The following BBOX1 variants were observed in gnomAD, a reference collection of about 807,000 sequenced individuals.
BBOX1 encodes gamma-butyrobetaine hydroxylase 1.
Under a neutral mutation model 41.6 loss-of-function variants are expected in BBOX1, and 35 were observed. The ratio of observed to expected loss-of-function variants is 0.84; its 90% CI spans 0.64 to 1.11. The LOEUF (loss-of-function observed/expected upper bound fraction) is 1.11. BBOX1 is among the 50% of genes most tolerant of loss of function. The probability of loss-of-function intolerance (pLI) is 0.00; values close to 1 mark genes in which losing one functional copy is unlikely to be tolerated. For missense variants in BBOX1, 458 were observed against 460.6 expected (o/e 0.99, Z 0.05); for synonymous variants, 163 against 154.7 (o/e 1.05, Z -0.40).
At chr11:27,078,416 C>T (rs1436905279) in intron 4 of BBOX1, among the ~76,000 whole-genome samples, 1 of 152,046 alleles carries the variant, frequency 6.6e-6, no homozygotes, top group Admixed American at 6.6e-5. Flanking sequence ...TGGTTTGCTG[C>T]ACCCATCAAC....
At chr11:27,085,173 C>G (rs1857988547) in intron 4 of BBOX1, among the ~76,000 whole-genome samples, 1 of 152,094 alleles carries the variant, frequency 6.6e-6, no homozygotes, top group Non-Finnish European at 1.5e-5. Context: ...GAATAATTTT[C>G]CTGCTGGACT....
In BBOX1 at chr11:27,119,673, C is replaced by T; in HGVS notation, c.664C>T (p.Gln222Ter). 6.6e-7 allele frequency: 1 copy of T among 1,524,360 alleles called. No homozygotes were observed. Among genetic ancestry groups the T allele is most frequent in the Non-Finnish European group, 8.8e-7 (1 of 1,139,066 alleles). 94.4% of individuals were successfully genotyped at this position (1,524,360 alleles called of 1,614,324 possible). ...PGVQLLHCIK[Q>*]TVTGGDSEIV... Reference sequence around the variant, plus strand: ...GGTTCAGCTTCTTCACTGCATAAAGCAAACAGTCACAGGGGGTGATTCAGA... The same window carrying T: ...GGTTCAGCTTCTTCACTGCATAAAGTAAACAGTCACAGGGGGTGATTCAGA... The change falls in exon 7 of 9, where the codon CAA becomes TAA. Residue 222 changes from glutamine (Q) to a stop codon, truncating the protein, a stop_gained. Transcript: ENST00000263182. LOFTEE classifies it high-confidence loss of function.
chr11:27,054,152 C>T (rs1447570175), intron 2 of BBOX1, among the ~76,000 whole-genome samples: 1 of 151,824 alleles, frequency 6.6e-6, no homozygotes, highest in Admixed American at 6.6e-5. Context: ...CTAAATCCCC[C>T]AGTGCCTATT....
intron 5 of BBOX1, among the ~76,000 whole-genome samples, chr11:27,096,506 T>C (rs1413917395): frequency 1.3e-5 from 2 of 152,038 alleles, no homozygotes; most frequent in East Asian, 1.9e-4. Flanking sequence ...TGCTCTTGGT[T>C]AGATGCCTAA....
At chr11:27,108,934 A>G (rs1203659594) in intron 5 of BBOX1, among the ~76,000 whole-genome samples, 2 of 152,080 alleles carry the variant, frequency 1.3e-5, no homozygotes, top group African/African-American at 4.8e-5. Flanking sequence ...TATGAAAATG[A>G]AAGCTCATAA....
intron 5 of BBOX1, among the ~76,000 whole-genome samples, chr11:27,111,438 C>G (rs564626850): frequency 2.0e-5 from 3 of 152,092 alleles, no homozygotes; most frequent in Non-Finnish European, 4.4e-5. Context: ...CCCCAAACCT[C>G]AGGATCATGC....
chr11:27,106,669 A>C (rs1858880662), intron 5 of BBOX1, among the ~76,000 whole-genome samples: 2 of 152,242 alleles, frequency 1.3e-5, no homozygotes, highest in South Asian at 4.2e-4. Context: ...TCAACATTAG[A>C]CAGATCAATG....
chr11:27,054,294 T>C (rs2133958399), intron 2 of BBOX1, among the ~76,000 whole-genome samples: 1 of 152,014 alleles, frequency 6.6e-6, no homozygotes, highest in East Asian at 1.9e-4. Context: ...TGAAGTATTG[T>C]TTCCATTGTC....
At chr11:27,059,139 G>C (rs1310674919) in intron 4 of BBOX1, among the ~76,000 whole-genome samples, 1 of 152,136 alleles carries the variant, frequency 6.6e-6, no homozygotes, top group Non-Finnish European at 1.5e-5. Context: ...GTAGCCTCGG[G>C]AGGCAGCTCC....
chr11:27,121,692 G>A (rs969231645), intron 7 of BBOX1, among the ~76,000 whole-genome samples: 4 of 152,150 alleles, frequency 2.6e-5, no homozygotes, highest in Admixed American at 6.5e-5. Context: ...AACCTGAGAC[G>A]TTTTCTAAGA....
chr11:27,068,101 G>A (rs1857344982), intron 4 of BBOX1, among the ~76,000 whole-genome samples: 1 of 152,054 alleles, frequency 6.6e-6, no homozygotes, highest in South Asian at 2.1e-4. Flanking sequence ...CCAGTAGTGG[G>A]ATTCCTGGAT....
intron 2 of BBOX1, among the ~76,000 whole-genome samples, chr11:27,054,237 G>A (rs11029810): frequency 0.32 from 48,727 of 151,096 alleles, 8,045 homozygotes; most frequent in East Asian, 0.45. Flanking sequence ...GTGTGTGTGC[G>A]TGCACATGTG....
chr11:27,094,401 T>A (rs1385488028), intron 5 of BBOX1, among the ~76,000 whole-genome samples: 2 of 151,966 alleles, frequency 1.3e-5, no homozygotes, highest in African/African-American at 4.8e-5. Flanking sequence ...CGAGCTGTAT[T>A]CAGATGTTTG....
intron 3 of BBOX1, among the ~76,000 whole-genome samples, chr11:27,056,895 G>A (rs188672895): frequency 1.3e-5 from 2 of 150,636 alleles, no homozygotes; most frequent in East Asian, 2.0e-4. Flanking sequence ...GTGAAACCCC[G>A]TCTCAACTAA....
intron 6 of BBOX1, among the ~76,000 whole-genome samples, chr11:27,117,255 A>G (rs903242290): frequency 9.2e-5 from 14 of 151,952 alleles, no homozygotes; most frequent in African/African-American, 3.4e-4. Context: ...CAATTAGCCC[A>G]ATTTTTTTTT....
At chr11:27,044,721 T>G (rs1275192345) in intron 2 of BBOX1, among the ~76,000 whole-genome samples, 1 of 152,216 alleles carries the variant, frequency 6.6e-6, no homozygotes, top group African/African-American at 2.4e-5. Context: ...TTTTGTCAGG[T>G]TTGTCAAAGA....
intron 2 of BBOX1, among the ~76,000 whole-genome samples, chr11:27,049,675 G>T (rs1851608590): frequency 6.6e-6 from 1 of 152,106 alleles, no homozygotes; most frequent in Admixed American, 6.6e-5. Flanking sequence ...AGTCAGCATG[G>T]CTCCATTTGA....
chr11:27,070,195 T>C (rs1857400578), intron 4 of BBOX1, among the ~76,000 whole-genome samples: 1 of 152,292 alleles, frequency 6.6e-6, no homozygotes, highest in Admixed American at 6.5e-5. Context: ...ATATGGTCTG[T>C]CTTGGAAAAC....
At chr11:27,043,221 G>A (rs1175363218) in intron 2 of BBOX1, among the ~76,000 whole-genome samples, 1 of 151,928 alleles carries the variant, frequency 6.6e-6, no homozygotes, top group Non-Finnish European at 1.5e-5. Flanking sequence ...CCGCCACCAC[G>A]CCCGGCTAAC....
Sources: gnomAD v4.1 joint callset for allele counts (sites outside exome capture counted in the v4.1 genomes callset) on GRCh38, gnomAD v4.1.1 for gene constraint, MANE v1.5 for transcripts, NCBI Gene and HGNC (gene_info 2026-07-23, HGNC 2026-07-21) for gene names.